HS2ST1: variants seen among roughly 807,000 people sequenced by gnomAD.
The protein encoded by HS2ST1 is heparan sulfate 2-O-sulfotransferase 1.
A neutral mutation model predicts 42.9 loss-of-function variants in HS2ST1; 18 were observed. That is an observed-to-expected ratio of 0.42 (90% CI 0.29 to 0.62). The LOEUF (loss-of-function observed/expected upper bound fraction) is 0.62, where lower values mean the gene tolerates loss of function less well. Among genes scored for constraint, HS2ST1 ranks in the 20% least tolerant of loss-of-function variants. The pLI, the probability that HS2ST1 is intolerant of heterozygous loss-of-function variation, is 0.21. For missense variants in HS2ST1, 334 were observed against 433.8 expected, an observed-to-expected ratio of 0.77 and a Z score of 2.04; for synonymous variants, 146 against 152.9, an observed-to-expected ratio of 0.95 and a Z score of 0.33.
rs981122467 is a variant in HS2ST1 at position 87,031,080 on chromosome 1, T to G, written c.125-41854T>G. Among the ~76,000 whole-genome samples, 3 of 152,016 alleles carry G rather than the reference T, an allele frequency of 2.0e-5. No homozygotes were observed. The East Asian group carries it at 5.8e-4, about 29-fold the overall frequency. On this transcript the variant is annotated intron_variant, in intron 1 of 6. Transcript: ENST00000370550. ...TCAGCCTCCTGAGTAGCTGGGGCCATAGACTCACGCCCCCACACCCAGCTA... is the reference window on the plus strand; with the variant it reads ...TCAGCCTCCTGAGTAGCTGGGGCCAGAGACTCACGCCCCCACACCCAGCTA...
intron 1 of HS2ST1, among the ~76,000 whole-genome samples, chr1:86,994,257 G>A (rs1649034290): frequency 6.6e-6 from 1 of 152,052 alleles, no homozygotes; most frequent in South Asian, 2.1e-4. Context: ...TCCTCCTGAT[G>A]CAATTTGATA....
At chr1:87,001,443 C>A (rs78819728) in intron 1 of HS2ST1, among the ~76,000 whole-genome samples, 112 of 152,292 alleles carry the variant, frequency 7.4e-4, no homozygotes, top group Non-Finnish European at 1.3e-3. Flanking sequence ...AATTTGTAAT[C>A]TAAATTTAAT....
chr1:87,055,525 A>G (rs1157990094), intron 1 of HS2ST1, among the ~76,000 whole-genome samples: 1 of 152,206 alleles, frequency 6.6e-6, no homozygotes, highest in African/African-American at 2.4e-5. Context: ...TGTAAGCGTT[A>G]TCACTCTATA....
At chr1:87,049,599 A>G (rs1450546965) in intron 1 of HS2ST1, among the ~76,000 whole-genome samples, 1 of 151,996 alleles carries the variant, frequency 6.6e-6, no homozygotes, top group Non-Finnish European at 1.5e-5. Flanking sequence ...GTTATTTTAA[A>G]TTTAATTCTG....
chr1:87,093,484 T>C (rs1021809477), intron 4 of HS2ST1, among the ~76,000 whole-genome samples: 1 of 152,088 alleles, frequency 6.6e-6, no homozygotes, highest in East Asian at 1.9e-4. Flanking sequence ...TAAAGTCTTT[T>C]CTGATGCCTC....
intron 5 of HS2ST1, among the ~76,000 whole-genome samples, chr1:87,100,262 A>G (rs764932409): frequency 1.3e-5 from 2 of 152,190 alleles, no homozygotes; most frequent in Non-Finnish European, 2.9e-5. Context: ...CATTCTGAGC[A>G]TCTGCAGACT....
At chr1:87,052,302 G>A (rs1466001883) in intron 1 of HS2ST1, among the ~76,000 whole-genome samples, 1 of 152,092 alleles carries the variant, frequency 6.6e-6, no homozygotes, top group Non-Finnish European at 1.5e-5. Flanking sequence ...AATGGGTAGT[G>A]TACAATCTAC....
At chr1:86,990,872 G>T (rs1395974246) in intron 1 of HS2ST1, among the ~76,000 whole-genome samples, 1 of 96,852 alleles carries the variant, frequency 1.0e-5, no homozygotes, top group Non-Finnish European at 2.1e-5. Context: ...TAGAGATGGG[G>T]TTTCTCCATG....
At chr1:86,976,977 G>A (rs1648432404) in intron 1 of HS2ST1, among the ~76,000 whole-genome samples, 1 of 151,492 alleles carries the variant, frequency 6.6e-6, no homozygotes, top group African/African-American at 2.4e-5. Context: ...TTTGAGCCTG[G>A]TTTTTCAAGG....
At chr1:87,081,970 CAAAAAAAAA>C (rs1041749210) in intron 2 of HS2ST1, among the ~76,000 whole-genome samples, 7 of 62,710 alleles carry the variant, frequency 1.1e-4, no homozygotes, top group African/African-American at 1.9e-4. Flanking sequence ...GACTCCGTCT[CAAAAAAAAA>C]AAAAAGAAAA....
intron 1 of HS2ST1, among the ~76,000 whole-genome samples, chr1:86,965,082 T>C (rs1334921954): frequency 6.6e-6 from 1 of 152,220 alleles, no homozygotes; most frequent in East Asian, 1.9e-4. Flanking sequence ...ATCCCCTTAA[T>C]TTCAGACTTG....
intron 3 of HS2ST1, among the ~76,000 whole-genome samples, chr1:87,089,650 T>G (rs1651893492): frequency 6.6e-6 from 1 of 152,024 alleles, no homozygotes; most frequent in African/African-American, 2.4e-5. Context: ...CCATTATCTG[T>G]TATAATCCCT....
intron 1 of HS2ST1, among the ~76,000 whole-genome samples, chr1:86,963,797 C>T (rs1647937827): frequency 7.2e-6 from 1 of 138,766 alleles, no homozygotes; most frequent in African/African-American, 3.0e-5. Context: ...GGCTGGCCCC[C>T]ACCTCCCCCC....
chr1:86,991,729 A>T (rs1026802156), intron 1 of HS2ST1, among the ~76,000 whole-genome samples: 1 of 152,182 alleles, frequency 6.6e-6, no homozygotes, highest in Admixed American at 6.5e-5. Flanking sequence ...CATCTGCAAA[A>T]TGGAGATAAG....
chr1:87,099,715 CCAAAATCT>C lies in HS2ST1; in HGVS notation c.686+1783_686+1790del, dbSNP rs575319302. Reference sequence around the variant, plus strand: ...CAGCATTAACTCAAAAGTCCCAAGTCCAAAATCTCATCTGGAGATGAGTTCCTTCTACC... The same window carrying C: ...CAGCATTAACTCAAAAGTCCCAAGTCCATCTGGAGATGAGTTCCTTCTACC... On this transcript the variant is annotated intron_variant, in intron 5 of 6. Transcript: ENST00000370550. Among the ~76,000 whole-genome samples, 106 of 152,322 alleles carry C rather than the reference CCAAAATCT, an allele frequency of 7.0e-4. 2 individuals carry two copies. The South Asian group carries it at 0.021, about 30-fold the overall frequency.
intron 1 of HS2ST1, among the ~76,000 whole-genome samples, chr1:87,065,251 C>A (rs1211552599): frequency 1.3e-5 from 2 of 152,168 alleles, no homozygotes; most frequent in Non-Finnish European, 2.9e-5. Context: ...AGATTCATTC[C>A]TAGAAAATGC....
intron 1 of HS2ST1, among the ~76,000 whole-genome samples, chr1:87,008,984 C>T (rs1452955464): frequency 2.6e-5 from 4 of 152,122 alleles, no homozygotes; most frequent in Admixed American, 2.6e-4. Context: ...GCTGGGACCA[C>T]AGGTGCATGC....
intron 1 of HS2ST1, among the ~76,000 whole-genome samples, chr1:86,977,247 A>G (rs987427888): frequency 2.0e-5 from 3 of 152,034 alleles, no homozygotes; most frequent in Non-Finnish European, 4.4e-5. Context: ...TTATTTGTTT[A>G]TGTCATCAGA....
chr1:86,959,550 C>T (rs779416587), intron 1 of HS2ST1, among the ~76,000 whole-genome samples: 3 of 152,034 alleles, frequency 2.0e-5, no homozygotes, highest in African/African-American at 4.8e-5. Context: ...CCCAGCTACT[C>T]GGGAGGCTGA....
Sources: allele counts gnomAD v4.1 joint callset (sites outside exome capture counted in the v4.1 genomes callset), GRCh38; gene constraint gnomAD v4.1.1; transcripts MANE v1.5; gene names NCBI Gene and HGNC (gene_info 2026-07-23, HGNC 2026-07-21).